The following GJA8 variants were observed in gnomAD, a reference collection of about 807,000 sequenced individuals.
GJA8 encodes gap junction protein alpha 8, also known as gap junction alpha-8 protein.
A neutral mutation model predicts 15.3 loss-of-function variants in GJA8; 13 were observed. The observed-to-expected ratio is 0.85, with a 90% CI of 0.55 to 1.35. The LOEUF (loss-of-function observed/expected upper bound fraction) is 1.35. Ranked by LOEUF, GJA8 falls within the 40% of genes most tolerant of loss-of-function variation. The pLI is 0.00. For synonymous variants in GJA8, 304 were observed against 238.7 expected (o/e 1.27, Z -2.52); for missense variants, 607 against 553.3 (o/e 1.10, Z -0.97).
chr1:147,907,835 A>T (rs1229435930), intron 1 of GJA8, 110 bp from the exon 2 acceptor site: 1 of 793,406 alleles, frequency 1.3e-6, no homozygotes, highest in Non-Finnish European at 2.2e-6. Context: ...GTGCACATTG[A>T]CCGTTCTGGC....
Position 147,908,262 on chromosome 1 carries a change from G to A in GJA8, c.307G>A (p.Glu103Lys). Residue 103 changes from glutamate to lysine, a missense_variant, in exon 2 of 2, where the codon GAG becomes AAG. Physicochemically the swap from Glu to Lys is moderately conservative, Grantham distance 56. Coordinates refer to ENST00000369235, the MANE Select transcript of GJA8 (RefSeq NM_005267.5). The stretch of plus-strand genomic sequence containing the variant: ...GCACGCGGTGCACTACGTCCGCATG[G>A]AGGAGAAGCGCAAAAGCCGCGAGGC... The part of the protein sequence containing the change: ...VGHAVHYVRM[E>K]EKRKSREAEE... 1 of 1,614,202 alleles carries A rather than the reference G, an allele frequency of 6.2e-7. No individual in the cohort carries two copies. The highest frequency in any genetic ancestry group is 8.5e-7 in the Non-Finnish European group (1 of 1,180,020).
Position 147,908,711 on chromosome 1 carries a change from C to G in GJA8, c.756C>G (p.Leu252=), listed in dbSNP as rs371651011. The G allele has an allele frequency of 6.2e-7, 1 of 1,614,126 alleles. No homozygotes were observed. Among genetic ancestry groups the G allele is most frequent in the Non-Finnish European group, 8.5e-7 (1 of 1,179,980 alleles). Residue 252 remains leucine (L), a synonymous_variant, in exon 2 of 2, where the codon CTC becomes CTG. Coordinates refer to ENST00000369235, the MANE Select transcript of GJA8 (RefSeq NM_005267.5). ...TGGGGGAGATTCCTGAGAAATCCCT[C>G]CACTCCATTGCTGTCTCCTCCATCC... ...QPLGEIPEKS[L]HSIAVSSIQK... is the part of the protein sequence containing the mutation.
rs1651676889 is a variant in GJA8, at chr1:147,903,369, G to T, written c.-12+508G>T. Among the ~76,000 whole-genome samples the T allele has an allele frequency of 2.0e-5, 3 of 152,156 alleles. No homozygotes were observed. In the South Asian group the frequency reaches 6.2e-4, roughly 32 times the overall value. On this transcript the variant is annotated intron_variant, in intron 1 of 1. Transcript: ENST00000369235. The stretch of plus-strand genomic sequence containing the variant: ...ACCATAAAATTCCTCCTAGGAGCAG[G>T]TTCTGTTGTCTATCTATGAGAACTG...
intron 1 of GJA8, among the ~76,000 whole-genome samples, chr1:147,903,549 A>G (rs1280745335): frequency 1.3e-5 from 2 of 152,204 alleles, no homozygotes; most frequent in African/African-American, 4.8e-5. Context: ...CTATGCTGTA[A>G]TGGGCTTAGA....
rs1553242521 is a variant in GJA8 at position 147,908,021 on chromosome 1, CAG to C, written c.69_70del (p.Arg23SerfsTer25). On this transcript the variant is annotated frameshift_variant, in exon 2 of 2. Coordinates refer to ENST00000369235, the MANE Select transcript of GJA8 (RefSeq NM_005267.5). LOFTEE classifies it high-confidence loss of function. ...EVNEHSTVIG[R>X]VWLTVLFIFR... ...TGAATGAGCACTCCACCGTCATCGG[CAG>C]AGTCTGGCTCACCGTGCTTTTCATC... 3 of 1,613,758 alleles carry C rather than the reference CAG, an allele frequency of 1.9e-6. No individual in the cohort carries two copies. The highest frequency in any genetic ancestry group is 2.5e-6 in the Non-Finnish European group (3 of 1,179,736).
At position 147,908,433 on chromosome 1, in the gene GJA8, C is replaced by A. The variant is rs1428872457; in HGVS notation, c.478C>A (p.Leu160Ile). ...TYICHIIFKT[L>I]FEVGFIVGHY... Reference sequence around the variant, plus strand: ...CATCTGCCACATCATCTTCAAGACCCTCTTTGAAGTGGGCTTCATCGTGGG... The same window carrying A: ...CATCTGCCACATCATCTTCAAGACCATCTTTGAAGTGGGCTTCATCGTGGG... The change falls in exon 2 of 2, where the codon CTC (leucine) becomes ATC (isoleucine). Residue 160 changes from leucine (L) to isoleucine (I), a missense_variant. Coordinates refer to ENST00000369235, the MANE Select transcript of GJA8 (RefSeq NM_005267.5). 6.2e-7 allele frequency: 1 copy of A among 1,614,070 alleles called. No homozygotes were observed. Among genetic ancestry groups the A allele is most frequent in the African/African-American group, 1.3e-5 (1 of 74,926 alleles).
chr1:147,914,449 G>A, the GJA8 span, among the ~76,000 whole-genome samples: 8 of 152,294 alleles, frequency 5.3e-5, no homozygotes, highest in African/African-American at 1.7e-4. Context: ...TCGTGTGTTA[G>A]ACTGTTACAA....
At chr1:147,906,238 G>T (rs1651791363) in intron 1 of GJA8, among the ~76,000 whole-genome samples, 1 of 152,260 alleles carries the variant, frequency 6.6e-6, no homozygotes, top group Non-Finnish European at 1.5e-5. Context: ...ATGGGCTCTT[G>T]CCCTGGTCTG....
chr1:147,908,355 G>A lies in GJA8; in HGVS notation c.400G>A (p.Gly134Ser). ...PDQGSVKKSSGSKGTKKFRLE... is the reference protein window; with the variant it reads ...PDQGSVKKSSSSKGTKKFRLE... The stretch of plus-strand genomic sequence containing the variant: ...CCAGGGCAGCGTCAAGAAGAGCAGC[G>A]GCAGCAAAGGCACTAAGAAGTTCCG... The change falls in exon 2 of 2, where the codon GGC (glycine) becomes AGC (serine). Residue 134 changes from glycine to serine, a missense_variant. Transcript: ENST00000369235. 1.2e-6 allele frequency: 2 copies of A among 1,614,172 alleles called. No homozygotes were observed. Among genetic ancestry groups the A allele is most frequent in the Non-Finnish European group, 1.7e-6 (2 of 1,180,028 alleles).
At chr1:147,903,620 GA>G (rs1651687519) in intron 1 of GJA8, among the ~76,000 whole-genome samples, 1 of 152,182 alleles carries the variant, frequency 6.6e-6, no homozygotes, top group Admixed American at 6.5e-5. Context: ...CCATCTTGGA[GA>G]CTCATTTCAC....
At chr1:147,907,221 A>C (rs1431962922) in intron 1 of GJA8, among the ~76,000 whole-genome samples, 1 of 152,144 alleles carries the variant, frequency 6.6e-6, no homozygotes, top group Non-Finnish European at 1.5e-5. Flanking sequence ...CAACTTAGTT[A>C]ACAAATACTT....
intron 1 of GJA8, among the ~76,000 whole-genome samples, chr1:147,903,984 T>A (rs1571171982): frequency 6.7e-6 from 1 of 148,818 alleles, no homozygotes; most frequent in African/African-American, 2.5e-5. Flanking sequence ...CAGGCTGGAG[T>A]GCAGTGGTGT....
downstream of GJA8, among the ~76,000 whole-genome samples, chr1:147,912,975 C>T (rs1652236602): frequency 6.6e-6 from 1 of 151,274 alleles, no homozygotes; most frequent in Non-Finnish European, 1.5e-5. Context: ...CCCTGCCACA[C>T]AGGGAAGCAT....
Position 147,908,886 on chromosome 1 carries a change from G to A in GJA8, c.931G>A (p.Asp311Asn), listed in dbSNP as rs376010446. 3.7e-6 allele frequency: 6 copies of A among 1,614,100 alleles called. No homozygotes were observed. The highest frequency in any genetic ancestry group is 5.1e-6 in the Non-Finnish European group (6 of 1,179,942). The change falls in exon 2 of 2, where the codon GAC becomes AAC. Residue 311 changes from aspartate to asparagine, a missense_variant. By Grantham distance (23) the Asp-to-Asn change is conservative. Transcript: ENST00000369235. ...EEKISTGPLG[D>N]LSRGYQETLP... is the part of the protein sequence containing the mutation. The stretch of plus-strand genomic sequence containing the variant: ...GAAGATCAGCACAGGACCCCTGGGG[G>A]ACTTGTCCCGGGGCTACCAAGAGAC...
chr1:147,903,075 C>G (rs2149012784), intron 1 of GJA8, among the ~76,000 whole-genome samples: 1 of 152,270 alleles, frequency 6.6e-6, no homozygotes, highest in Non-Finnish European at 1.5e-5. Flanking sequence ...GAGAGGAATG[C>G]TGGAATAATC....
At chr1:147,907,261 T>A (rs1245895015) in intron 1 of GJA8, among the ~76,000 whole-genome samples, 2 of 152,214 alleles carry the variant, frequency 1.3e-5, no homozygotes, top group East Asian at 3.8e-4. Context: ...CTGGGCTGTA[T>A]GTCAGGCATT....
intron 1 of GJA8, among the ~76,000 whole-genome samples, chr1:147,905,620 C>A (rs1651764012): frequency 6.6e-6 from 1 of 152,200 alleles, no homozygotes; most frequent in Non-Finnish European, 1.5e-5. Flanking sequence ...CCTGGCTCTG[C>A]CACCAGTGAG....
At chr1:147,911,493 G>T (rs1418701182), downstream of GJA8, among the ~76,000 whole-genome samples, 2 of 152,202 alleles carry the variant, frequency 1.3e-5, no homozygotes, top group Non-Finnish European at 1.5e-5. Context: ...GTAACCCAAA[G>T]TGACAAACCT....
chr1:147,908,432 C>T lies in GJA8; in HGVS notation c.477C>T (p.Thr159=), dbSNP rs782140553. The T allele has an allele frequency of 1.9e-5, 30 of 1,614,002 alleles. No individual in the cohort carries two copies. The highest frequency in any genetic ancestry group is 1.8e-4 in the Admixed American group (11 of 60,000). The part of the protein sequence containing the change: ...RTYICHIIFK[T]LFEVGFIVGH... ...ACATCTGCCACATCATCTTCAAGACCCTCTTTGAAGTGGGCTTCATCGTGG... is the reference window on the plus strand; with the variant it reads ...ACATCTGCCACATCATCTTCAAGACTCTCTTTGAAGTGGGCTTCATCGTGG... Residue 159 remains threonine (T), a synonymous_variant, in exon 2 of 2, where the codon ACC becomes ACT. Coordinates refer to ENST00000369235, the MANE Select transcript of GJA8 (RefSeq NM_005267.5).
Sources: gnomAD v4.1 joint callset for allele counts (sites outside exome capture counted in the v4.1 genomes callset) on GRCh38, gnomAD v4.1.1 for gene constraint, MANE v1.5 for transcripts, NCBI Gene and HGNC (gene_info 2026-07-23, HGNC 2026-07-21) for gene names.